The following RORA variants were observed in gnomAD, a reference collection of about 807,000 sequenced individuals.
RORA encodes RAR related orphan receptor A, also known as nuclear receptor ROR-alpha.
In RORA, 7 loss-of-function variants were observed where a neutral mutation model predicts 69.5. That is an observed-to-expected ratio of 0.10 (90% CI 0.06 to 0.19). The LOEUF is 0.19. Ranked by LOEUF, RORA falls within the 10% of genes least tolerant of loss-of-function variation. The probability of loss-of-function intolerance (pLI) is 1.00; values close to 1 mark genes in which losing one functional copy is unlikely to be tolerated. For missense variants in RORA, 457 were observed against 663.0 expected, an observed-to-expected ratio of 0.69 and a Z score of 3.41; for synonymous variants, 261 against 240.8, an observed-to-expected ratio of 1.08 and a Z score of -0.78.
intron 2 of RORA, among the ~76,000 whole-genome samples, chr15:60,635,048 C>G (rs531838748): frequency 6.6e-6 from 1 of 152,304 alleles, no homozygotes; most frequent in Non-Finnish European, 1.5e-5. Context: ...CTAATGAAAC[C>G]CACGGAGCAC....
intron 1 of RORA, among the ~76,000 whole-genome samples, chr15:60,882,048 A>G (rs1440948839): frequency 1.3e-5 from 2 of 152,196 alleles, no homozygotes; most frequent in Non-Finnish European, 2.9e-5. Context: ...TGTCCCCAGT[A>G]TGCTGCCCGT....
intron 1 of RORA, among the ~76,000 whole-genome samples, chr15:60,965,683 A>G (rs564488578): frequency 6.6e-6 from 1 of 152,338 alleles, no homozygotes; most frequent in Non-Finnish European, 1.5e-5. Flanking sequence ...AGCTATTAAG[A>G]TGCAAAGAAG....
chr15:60,507,534 G>T (rs557942002), intron 5 of RORA, among the ~76,000 whole-genome samples: 85 of 152,226 alleles, frequency 5.6e-4, no homozygotes, highest in African/African-American at 1.9e-3. Flanking sequence ...AAGAACAAAT[G>T]TAAAGGAAAG....
intron 1 of RORA, among the ~76,000 whole-genome samples, chr15:61,068,740 C>G (rs1359791236): frequency 6.6e-6 from 1 of 152,200 alleles, no homozygotes; most frequent in African/African-American, 2.4e-5. Flanking sequence ...CATGTATAAG[C>G]TTTAGCTTAG....
At chr15:61,094,870 TTCC>T (rs1289739465) in intron 1 of RORA, among the ~76,000 whole-genome samples, 2 of 152,040 alleles carry the variant, frequency 1.3e-5, no homozygotes, top group Admixed American at 1.3e-4. Flanking sequence ...GAAAGAGGCG[TTCC>T]TCTGCCTGAG....
intron 1 of RORA, among the ~76,000 whole-genome samples, chr15:60,695,826 G>A (rs547762314): frequency 4.5e-4 from 68 of 152,092 alleles, no homozygotes; most frequent in Non-Finnish European, 8.8e-4. Flanking sequence ...TAAACTTTCA[G>A]GATTTTAGTT....
chr15:60,971,342 CCT>C lies in RORA; in HGVS notation c.166+257709_166+257710del, dbSNP rs764927936. ...CAGTGAGTTCCTTAAGGGAGAAATT[CCT>C]CTCTCATGGGTCCTTGCTGGTGTCT... is the stretch of plus-strand genomic sequence containing the variant. On this transcript the variant is annotated intron_variant, in intron 1 of 10. Transcript: ENST00000335670. Among the ~76,000 whole-genome samples the C allele has an allele frequency of 4.6e-5, 7 of 152,262 alleles. 1 individual carries two copies. The highest frequency in any genetic ancestry group is 1.4e-4 in the African/African-American group (6 of 41,544).
chr15:60,577,740 C>T (rs745366922), intron 2 of RORA, among the ~76,000 whole-genome samples: 5 of 151,274 alleles, frequency 3.3e-5, no homozygotes, highest in Admixed American at 6.6e-5. Context: ...AACATTTACA[C>T]AATTTACTTA....
At chr15:60,711,912 T>TTATAA (rs1258881621) in intron 1 of RORA, among the ~76,000 whole-genome samples, 1 of 152,218 alleles carries the variant, frequency 6.6e-6, no homozygotes, top group East Asian at 1.9e-4. Context: ...CTTCCCACAG[T>TTATAA]CACCCTCAAG....
chr15:61,164,265 G>C (rs1380629293), intron 1 of RORA, among the ~76,000 whole-genome samples: 1 of 152,114 alleles, frequency 6.6e-6, no homozygotes, highest in Non-Finnish European at 1.5e-5. Context: ...CTGTCTCTCT[G>C]TAGTGTCCAA....
intron 1 of RORA, among the ~76,000 whole-genome samples, chr15:60,997,138 T>A (rs1224927475): frequency 6.6e-6 from 1 of 152,004 alleles, no homozygotes; most frequent in Non-Finnish European, 1.5e-5. Flanking sequence ...CTCAGACGTT[T>A]TGATGTGGGA....
chr15:60,744,525 G>A (rs565614742), intron 1 of RORA, among the ~76,000 whole-genome samples: 90 of 152,294 alleles, frequency 5.9e-4, no homozygotes, highest in African/African-American at 2.0e-3. Context: ...TACCAGCTGT[G>A]TGGCCCAGGA....
intron 1 of RORA, among the ~76,000 whole-genome samples, chr15:61,107,655 T>C (rs1233072591): frequency 6.6e-6 from 1 of 151,950 alleles, no homozygotes; most frequent in African/African-American, 2.4e-5. Context: ...AATTTACTTT[T>C]ATCTAGTATA....
At chr15:61,187,613 T>C (rs947534705) in intron 1 of RORA, among the ~76,000 whole-genome samples, 1 of 152,224 alleles carries the variant, frequency 6.6e-6, no homozygotes, top group Non-Finnish European at 1.5e-5. Context: ...TTGCTGAGAA[T>C]TAGTCTTACA....
At chr15:61,150,946 A>G (rs1255652597) in intron 1 of RORA, among the ~76,000 whole-genome samples, 1 of 152,222 alleles carries the variant, frequency 6.6e-6, no homozygotes, top group Non-Finnish European at 1.5e-5. Flanking sequence ...CAGAGCTTTT[A>G]AATTATTAGA....
intron 1 of RORA, among the ~76,000 whole-genome samples, chr15:60,795,338 G>C (rs1333358270): frequency 1.3e-5 from 2 of 152,190 alleles, no homozygotes; most frequent in Non-Finnish European, 2.9e-5. Context: ...AAGAGCAGCA[G>C]CAGCAAATAA....
intron 1 of RORA, among the ~76,000 whole-genome samples, chr15:61,206,928 C>T (rs1227529267): frequency 6.6e-6 from 1 of 152,182 alleles, no homozygotes; most frequent in Admixed American, 6.5e-5. Flanking sequence ...GGATCACTTC[C>T]ACCAGTGGGA....
At chr15:60,521,752 T>A (rs994625920) in intron 3 of RORA, among the ~76,000 whole-genome samples, 1 of 152,226 alleles carries the variant, frequency 6.6e-6, no homozygotes, top group Non-Finnish European at 1.5e-5. Context: ...TATATGTATC[T>A]TCTTCATTGT....
At chr15:61,060,936 A>G (rs1037887969) in intron 1 of RORA, among the ~76,000 whole-genome samples, 8 of 152,202 alleles carry the variant, frequency 5.3e-5, no homozygotes, top group Non-Finnish European at 7.3e-5. Context: ...CGTGCGGCCG[A>G]TGGGCCATGG....
Sources: allele counts gnomAD v4.1 joint callset (sites outside exome capture counted in the v4.1 genomes callset), GRCh38; gene constraint gnomAD v4.1.1; transcripts MANE v1.5; gene names NCBI Gene and HGNC (gene_info 2026-07-23, HGNC 2026-07-21).